The following FRY variants were observed in gnomAD, a reference collection of about 807,000 sequenced individuals.
The protein encoded by FRY is FRY microtubule binding protein.
A neutral mutation model predicts 348.4 loss-of-function variants in FRY; 128 were observed. The observed-to-expected ratio is 0.37, with a 90% confidence interval of 0.32 to 0.43. FRY has a LOEUF of 0.43. Among genes scored for constraint, FRY ranks in the 20% least tolerant of loss-of-function variants. The pLI, the probability that FRY is intolerant of heterozygous loss-of-function variation, is 1.00. For synonymous variants in FRY, 1,370 were observed against 1,374.7 expected (o/e 1.00, Z 0.08); for missense variants, 2,736 against 3,695.2 (o/e 0.74, Z 6.73).
At chr13:32,050,440 T>C (rs1171800598) in intron 1 of FRY, among the ~76,000 whole-genome samples, 1 of 152,234 alleles carries the variant, frequency 6.6e-6, no homozygotes, top group Non-Finnish European at 1.5e-5. Flanking sequence ...TATGGCTTGG[T>C]CCTGCAGTGA....
chr13:32,111,046 C>T (rs76123129), intron 3 of FRY, among the ~76,000 whole-genome samples: 5,331 of 152,212 alleles, frequency 0.035, 90 homozygotes, highest in African/African-American at 0.043. Flanking sequence ...TCCAGGAGAA[C>T]CTGGTGAATA....
chr13:32,290,568 A>AG, intron 59 of FRY, among the ~76,000 whole-genome samples: 1 of 152,262 alleles, frequency 6.6e-6, no homozygotes, highest in East Asian at 1.9e-4. Context: ...CTATGAGATA[A>AG]GGCAGAAGAG....
At chr13:32,143,472 GA>G (rs1200627126) in intron 11 of FRY, among the ~76,000 whole-genome samples, 1 of 152,124 alleles carries the variant, frequency 6.6e-6, no homozygotes, top group Non-Finnish European at 1.5e-5. Context: ...TAAGATGCTA[GA>G]AAAATGGTAG....
intron 47 of FRY, among the ~76,000 whole-genome samples, chr13:32,246,956 C>T (rs541783634): frequency 0.11 from 653 of 5,928 alleles, 8 homozygotes; most frequent in East Asian, 0.17. Flanking sequence ...GACTGGAAAC[C>T]GGAGGGTGGG....
intron 11 of FRY, among the ~76,000 whole-genome samples, chr13:32,146,328 G>C (rs1164979887): frequency 6.6e-6 from 1 of 151,922 alleles, no homozygotes; most frequent in African/African-American, 2.4e-5. Context: ...GTTGTTGTTT[G>C]TTTTTGTTTT....
intron 1 of FRY, among the ~76,000 whole-genome samples, chr13:32,051,131 C>T (rs74044327): frequency 0.011 from 1,725 of 152,222 alleles, 41 homozygotes; most frequent in African/African-American, 0.04. Context: ...TAATTATTTC[C>T]GTTTCCTTCT....
rs1433251989 is a variant in FRY at position 32,202,377 on chromosome 13, G to A, written c.3868G>A (p.Val1290Ile). Reference protein sequence around the residue: ...LMQILEAKLFVYSKKVAEQRP... With the variant: ...LMQILEAKLFIYSKKVAEQRP... ...ATAGATCCTTGAAGCAAAGCTTTTT[G>A]TATACTCAAAGAAAGTCGCTGAGCA... The change falls in exon 31 of 61, where the codon GTA becomes ATA. Residue 1290 changes from valine (V) to isoleucine (I), a missense_variant. By Grantham distance (29) the Val-to-Ile change is conservative. Coordinates refer to ENST00000542859, the MANE Select transcript of FRY (RefSeq NM_023037.3). 14 of 1,613,844 alleles carry A rather than the reference G, an allele frequency of 8.7e-6. No homozygotes were observed. The East Asian group carries it at 3.1e-4, about 36-fold the overall frequency.
intron 29 of FRY, 141 bp from the exon 30 acceptor site, chr13:32,201,800 C>CA (rs1472811521): frequency 1.5e-6 from 1 of 653,968 alleles, no homozygotes; most frequent in Non-Finnish European, 2.8e-6. Flanking sequence ...AAGAAGGAAG[C>CA]AAAAAATGGC....
At chr13:32,042,897 C>G (rs1477208051) in intron 1 of FRY, among the ~76,000 whole-genome samples, 1 of 152,166 alleles carries the variant, frequency 6.6e-6, no homozygotes, top group Non-Finnish European at 1.5e-5. Flanking sequence ...TACCTGCCAC[C>G]TGAACAAAAC....
At chr13:32,274,781 A>G (rs1888434116) in intron 55 of FRY, 61 bp from the exon 56 acceptor site, 9 of 1,251,272 alleles carry the variant, frequency 7.2e-6, no homozygotes, top group Non-Finnish European at 1.0e-5. Context: ...CCCCCAAAAT[A>G]TGTTTTATCA....
chr13:32,082,055 T>A (rs1003517460), intron 2 of FRY, among the ~76,000 whole-genome samples: 1 of 152,114 alleles, frequency 6.6e-6, no homozygotes, highest in Admixed American at 6.5e-5. Flanking sequence ...GAAGTATAGA[T>A]TTACTATTTG....
At chr13:32,176,741 A>C (rs1882381418) in intron 20 of FRY, among the ~76,000 whole-genome samples, 1 of 152,218 alleles carries the variant, frequency 6.6e-6, no homozygotes. Flanking sequence ...TAACCTGGGT[A>C]ACCAGCTCAG....
intron 2 of FRY, among the ~76,000 whole-genome samples, chr13:32,100,414 T>C (rs1877077072): frequency 6.6e-6 from 1 of 152,056 alleles, no homozygotes; most frequent in Non-Finnish European, 1.5e-5. Context: ...CCAAGATAAA[T>C]ATTAAATTTT....
intron 18 of FRY, among the ~76,000 whole-genome samples, chr13:32,172,579 T>G (rs2138218146): frequency 6.6e-6 from 1 of 152,164 alleles, no homozygotes; most frequent in African/African-American, 2.4e-5. Flanking sequence ...ACCAGGGTGG[T>G]GGGAACTTGG....
chr13:32,087,488 G>A (rs1399044774), intron 2 of FRY, among the ~76,000 whole-genome samples: 1 of 152,164 alleles, frequency 6.6e-6, no homozygotes, highest in Non-Finnish European at 1.5e-5. Context: ...ACCAACAGAT[G>A]GTATATGATG....
chr13:32,105,697 A>G (rs948382261), intron 3 of FRY, among the ~76,000 whole-genome samples: 20 of 152,194 alleles, frequency 1.3e-4, no homozygotes, highest in African/African-American at 4.8e-4. Flanking sequence ...AATAGTAGAG[A>G]TAGCATTTAT....
intron 3 of FRY, among the ~76,000 whole-genome samples, chr13:32,108,106 T>G (rs1284244813): frequency 6.6e-6 from 1 of 152,188 alleles, no homozygotes; most frequent in Non-Finnish European, 1.5e-5. Flanking sequence ...GTGTTTCACA[T>G]TCCAGGAGCT....
At chr13:32,251,821 A>T (rs1566169717) in intron 49 of FRY, 57 bp from the exon 50 acceptor site, 1 of 1,083,962 alleles carries the variant, frequency 9.2e-7, no homozygotes. Flanking sequence ...CTAGAAAATT[A>T]GAGCAGATTT....
At position 32,267,160 on chromosome 13, in the gene FRY, T is replaced by C. The variant is rs373408623; in HGVS notation, c.7947-10T>C. The C allele has an allele frequency of 3.2e-6, 5 of 1,567,002 alleles. No individual in the cohort carries two copies. The Admixed American group carries it at 5.0e-5, about 16-fold the overall frequency. On this transcript the variant is annotated splice_polypyrimidine_tract_variant and intron_variant, in intron 54 of 60. Coordinates refer to ENST00000542859, the MANE Select transcript of FRY (RefSeq NM_023037.3). ...TCACTTCTTGACATAGTCGTTTTCA[T>C]TTTTTCCAGCTTTGGAGAAGGTGAC... is the stretch of plus-strand genomic sequence containing the variant.
Sources: gnomAD v4.1 joint callset for allele counts (sites outside exome capture counted in the v4.1 genomes callset) on GRCh38, gnomAD v4.1.1 for gene constraint, MANE v1.5 for transcripts, NCBI Gene and HGNC (gene_info 2026-07-23, HGNC 2026-07-21) for gene names.